KIAA1671: variants seen among roughly 807,000 people sequenced by gnomAD.
KIAA1671 encodes KIAA1671.
Under a neutral mutation model 131.2 loss-of-function variants are expected in KIAA1671, and 52 were observed. That is an observed-to-expected ratio of 0.40 (90% confidence interval 0.32 to 0.50). The LOEUF is 0.50. Among genes scored for constraint, KIAA1671 ranks in the 20% least tolerant of loss-of-function variants. The pLI, the probability that KIAA1671 is intolerant of heterozygous loss-of-function variation, is 0.73. For synonymous variants in KIAA1671, 1,003 were observed against 961.6 expected, an observed-to-expected ratio of 1.04 and a Z score of -0.80; for missense variants, 2,360 against 2,364.2, an observed-to-expected ratio of 1.00 and a Z score of 0.04.
intron 1 of KIAA1671, among the ~76,000 whole-genome samples, chr22:25,005,361 A>G (rs897586508): frequency 2.6e-5 from 4 of 151,578 alleles, no homozygotes; most frequent in Middle Eastern, 3.2e-3. Context: ...AAAAAAAAAA[A>G]AAAGAAAAAA....
chr22:25,065,400 C>T (rs933866749), intron 6 of KIAA1671, among the ~76,000 whole-genome samples: 1 of 152,046 alleles, frequency 6.6e-6, no homozygotes, highest in Admixed American at 6.5e-5. Flanking sequence ...AGCCATTCCT[C>T]AGGTGGCACA....
intron 6 of KIAA1671, among the ~76,000 whole-genome samples, chr22:25,094,892 C>T (rs1169761066): frequency 6.6e-6 from 1 of 152,124 alleles, no homozygotes; most frequent in Admixed American, 6.6e-5. Context: ...CTCTGATTCT[C>T]GCTGAGCATC....
At position 25,029,472 on chromosome 22, in the gene KIAA1671, A is replaced by C. The variant is rs12330067; in HGVS notation, c.1473A>C (p.Ser491=). ...ERIRGWTAES[S]EAKPEVRRRT... ...TCAGAGGCTGGACTGCCGAGAGCTCAGAGGCTAAGCCCGAGGTCAGGAGGA... is the reference window on the plus strand; with the variant it reads ...TCAGAGGCTGGACTGCCGAGAGCTCCGAGGCTAAGCCCGAGGTCAGGAGGA... The change falls in exon 3 of 13, where the codon TCA becomes TCC. Residue 491 remains serine (S), a synonymous_variant. Transcript: ENST00000358431. The C allele has an allele frequency of 0.42, 648,783 of 1,550,532 alleles. 139,130 individuals carry two copies. Among genetic ancestry groups the C allele is most frequent in the African/African-American group, 0.63 (45,883 of 73,046 alleles).
intron 7 of KIAA1671, among the ~76,000 whole-genome samples, chr22:25,172,392 GTC>G (rs1189839511): frequency 6.6e-6 from 1 of 152,226 alleles, no homozygotes; most frequent in African/African-American, 2.4e-5. Context: ...GCCACCTGCT[GTC>G]TCTCAGTGCT....
intron 6 of KIAA1671, among the ~76,000 whole-genome samples, chr22:25,118,338 G>A (rs1273765009): frequency 6.6e-6 from 1 of 151,856 alleles, no homozygotes; most frequent in Non-Finnish European, 1.5e-5. Context: ...CTCTGGTAAG[G>A]ACACTTGTCC....
At chr22:24,956,632 C>T (rs1183934953) in intron 1 of KIAA1671, among the ~76,000 whole-genome samples, 4 of 151,244 alleles carry the variant, frequency 2.6e-5, no homozygotes, top group Non-Finnish European at 5.9e-5. Flanking sequence ...TTTGAGAGGC[C>T]GAGGCGGATG....
chr22:25,185,098 C>T lies in KIAA1671; in HGVS notation c.5321C>T (p.Ser1774Phe), dbSNP rs1420617293. The stretch of plus-strand genomic sequence containing the variant: ...GTGCTGGGCAGTCGCGTGCTGCCTT[C>T]CAGCATGGACAAGGATGAGAGGTGA... The part of the protein sequence containing the change: ...PGVLGSRVLP[S>F]SMDKDERSDE... The change falls in exon 11 of 13, where the codon TCC becomes TTC. Residue 1774 changes from serine to phenylalanine, a missense_variant. This residue lies in a region of KIAA1671 where 1,161 missense variants were observed against 1,204.7 expected (regional missense o/e 0.96). Coordinates refer to ENST00000358431, the MANE Select transcript of KIAA1671 (RefSeq NM_001145206.2). 1.3e-6 allele frequency: 2 copies of T among 1,551,242 alleles called. No individual in the cohort carries two copies. The highest frequency in any genetic ancestry group is 1.7e-6 in the Non-Finnish European group (2 of 1,146,772).
intron 1 of KIAA1671, among the ~76,000 whole-genome samples, chr22:24,991,791 A>G (rs1161765306): frequency 6.6e-6 from 1 of 152,040 alleles, no homozygotes; most frequent in Non-Finnish European, 1.5e-5. Flanking sequence ...TGGGGAGAAT[A>G]ATAATCCCCA....
intron 6 of KIAA1671, among the ~76,000 whole-genome samples, chr22:25,106,416 G>A (rs145114355): frequency 1.3e-5 from 2 of 152,320 alleles, no homozygotes; most frequent in East Asian, 3.9e-4. Flanking sequence ...CACAGCAGCT[G>A]ACGTGTGTGT....
At chr22:25,106,557 AAG>A (rs890038257) in intron 6 of KIAA1671, among the ~76,000 whole-genome samples, 4 of 152,216 alleles carry the variant, frequency 2.6e-5, no homozygotes, top group African/African-American at 9.6e-5. Flanking sequence ...CACAGCTAAT[AAG>A]AGCTATAGCT....
intron 6 of KIAA1671, among the ~76,000 whole-genome samples, chr22:25,160,778 T>G (rs1256914219): frequency 6.6e-6 from 1 of 151,920 alleles, no homozygotes; most frequent in East Asian, 1.9e-4. Context: ...TGAGGGGGAG[T>G]CAGTGGCTGC....
rs1470255604 is a variant in KIAA1671, at chr22:25,049,371, G to A, written c.4530+7G>A. 6.5e-7 allele frequency: 1 copy of A among 1,548,030 alleles called. No individual in the cohort carries two copies. The highest frequency in any genetic ancestry group is 8.7e-7 in the Non-Finnish European group (1 of 1,144,028). ...GAGGAGTGGGCCCTTTGTGGTGAGT[G>A]ATGCAACATGGCTGGAGAGGATTGC... On this transcript the variant is annotated splice_region_variant and intron_variant, in intron 6 of 12. Transcript: ENST00000358431.
chr22:25,109,264 T>C (rs1342139694), intron 6 of KIAA1671, among the ~76,000 whole-genome samples: 1 of 152,032 alleles, frequency 6.6e-6, no homozygotes, highest in Non-Finnish European at 1.5e-5. Context: ...TGCCTGCCAC[T>C]GTGCCCGGCT....
intron 9 of KIAA1671, among the ~76,000 whole-genome samples, chr22:25,180,241 G>C (rs942720123): frequency 6.6e-6 from 1 of 152,230 alleles, no homozygotes; most frequent in African/African-American, 2.4e-5. Flanking sequence ...AGCCATGAAA[G>C]ACTTTTAAGA....
chr22:25,183,310 A>T (rs1444448876), intron 10 of KIAA1671, among the ~76,000 whole-genome samples: 1 of 152,166 alleles, frequency 6.6e-6, no homozygotes. Flanking sequence ...TTCTTCCACG[A>T]ATAGAAAATC....
chr22:25,052,043 C>T (rs1019312320), intron 6 of KIAA1671: 60 of 152,306 alleles, frequency 3.9e-4, no homozygotes, highest in Non-Finnish European at 7.6e-4. Flanking sequence ...GGAATGGAAA[C>T]GGGGCCTATC....
intron 6 of KIAA1671, among the ~76,000 whole-genome samples, chr22:25,167,100 C>A (rs560303203): frequency 6.6e-6 from 1 of 152,314 alleles, no homozygotes; most frequent in South Asian, 2.1e-4. Context: ...TCTAGCCCTG[C>A]GTCCCAGGGA....
intron 6 of KIAA1671, among the ~76,000 whole-genome samples, chr22:25,107,083 C>G (rs1931047348): frequency 6.6e-6 from 1 of 152,100 alleles, no homozygotes; most frequent in African/African-American, 2.4e-5. Context: ...GGAAAACACC[C>G]ATCAGCTAGA....
intron 8 of KIAA1671, 144 bp downstream of exon 8, chr22:25,174,633 T>C (rs778407934): frequency 9.6e-5 from 89 of 924,012 alleles, no homozygotes; most frequent in Non-Finnish European, 1.3e-4. Flanking sequence ...GACTCACTTA[T>C]GCATGTATCT....
Sources: allele counts gnomAD v4.1 joint callset (sites outside exome capture counted in the v4.1 genomes callset), GRCh38; gene constraint gnomAD v4.1.1; regional missense constraint gnomAD v4.1.1; transcripts MANE v1.5; gene names NCBI Gene and HGNC (gene_info 2026-07-23, HGNC 2026-07-21).